Variants in DGKB observed in about 807,000 individuals in gnomAD.
DGKB encodes 90 kDa diacylglycerol kinase.
DGKB carries 67 observed loss-of-function variants against 114.3 expected under a neutral mutation model. That is an observed-to-expected ratio of 0.59 (90% CI 0.48 to 0.72). The LOEUF (loss-of-function observed/expected upper bound fraction) is 0.72, where lower values mean the gene tolerates loss of function less well. Ranked by LOEUF, DGKB falls within the 30% of genes least tolerant of loss-of-function variation. The pLI, the probability that DGKB is intolerant of heterozygous loss-of-function variation, is 0.00. For missense variants in DGKB, 907 were observed against 975.2 expected, an observed-to-expected ratio of 0.93 and a Z score of 0.93; for synonymous variants, 398 against 323.1, an observed-to-expected ratio of 1.23 and a Z score of -2.49.
intron 1 of DGKB, among the ~76,000 whole-genome samples, chr7:14,946,501 A>G (rs371998563): frequency 5.9e-4 from 90 of 151,942 alleles, no homozygotes; most frequent in African/African-American, 2.0e-3. Context: ...AGAATAAAAT[A>G]AAATCTACAA....
chr7:14,698,193 A>C, intron 7 of DGKB, 24 bp from the exon 8 acceptor site: 1 of 1,376,908 alleles, frequency 7.3e-7, no homozygotes, highest in Non-Finnish European at 9.9e-7. Context: ...AGAGATAAAA[A>C]ATATGAATAC....
intron 23 of DGKB, among the ~76,000 whole-genome samples, chr7:14,282,393 C>A: frequency 7.3e-6 from 1 of 136,084 alleles, no homozygotes; most frequent in Admixed American, 7.6e-5. Context: ...CAAAAAGAGT[C>A]CAGGACCAGA....
rs77383428 is a variant in DGKB at position 14,651,345 on chromosome 7, C to T, written c.1135-21077G>A. On this transcript the variant is annotated intron_variant, in intron 13 of 25. Coordinates refer to ENST00000402815, the MANE Select transcript of DGKB (RefSeq NM_001350709.2). Reference sequence around the variant, plus strand: ...CCTGGGATGCAAGGCTGGTTCAATACACGCAAATCAATAAATGTAATCCAG... The same window carrying T: ...CCTGGGATGCAAGGCTGGTTCAATATACGCAAATCAATAAATGTAATCCAG... 2.4e-3 allele frequency among the ~76,000 whole-genome samples: 357 copies of T among 151,410 alleles called. 2 individuals carry two copies. Among genetic ancestry groups the T allele is most frequent in the Middle Eastern group, 6.8e-3 (2 of 294 alleles).
intron 1 of DGKB, among the ~76,000 whole-genome samples, chr7:14,890,425 G>A (rs1257222228): frequency 6.6e-6 from 1 of 151,198 alleles, no homozygotes; most frequent in Non-Finnish European, 1.5e-5. Context: ...CCTCTAACAT[G>A]CCTTCGCTTA....
intron 1 of DGKB, among the ~76,000 whole-genome samples, chr7:14,955,411 C>T (rs930214846): frequency 1.3e-5 from 2 of 151,984 alleles, no homozygotes; most frequent in Non-Finnish European, 2.9e-5. Context: ...TTTTCCTAAG[C>T]TATCTGAACT....
intron 21 of DGKB, among the ~76,000 whole-genome samples, chr7:14,469,085 AG>A (rs1406286804): frequency 1.3e-5 from 2 of 152,232 alleles, no homozygotes; most frequent in Non-Finnish European, 2.9e-5. Flanking sequence ...TGTATCTGTT[AG>A]AGCTCAATGG....
chr7:14,929,839 A>G (rs1271239941), intron 1 of DGKB, among the ~76,000 whole-genome samples: 1 of 152,028 alleles, frequency 6.6e-6, no homozygotes, highest in South Asian at 2.1e-4. Context: ...TTCTTCTAGT[A>G]TTATTGTAGT....
At chr7:14,629,044 T>C (rs1809180332) in intron 14 of DGKB, among the ~76,000 whole-genome samples, 1 of 152,034 alleles carries the variant, frequency 6.6e-6, no homozygotes, top group Non-Finnish European at 1.5e-5. Flanking sequence ...TTAACAGATC[T>C]AAAGAGAAAA....
intron 6 of DGKB, among the ~76,000 whole-genome samples, chr7:14,703,563 C>G (rs558400751): frequency 1.3e-5 from 2 of 152,296 alleles, no homozygotes; most frequent in East Asian, 3.9e-4. Flanking sequence ...CACACAGAAG[C>G]ACAGTCCCAG....
chr7:14,281,100 T>G (rs1426432031), intron 23 of DGKB, among the ~76,000 whole-genome samples: 1 of 147,486 alleles, frequency 6.8e-6, no homozygotes, highest in Non-Finnish European at 1.5e-5. Flanking sequence ...ATCAGTGTGC[T>G]GTATTCAGGA....
intron 21 of DGKB, among the ~76,000 whole-genome samples, chr7:14,427,671 G>A (rs1303573434): frequency 6.6e-6 from 1 of 152,112 alleles, no homozygotes. Flanking sequence ...CATCTCACAT[G>A]GTGGCAGACA....
chr7:14,160,900 G>C (rs1562499311), intron 25 of DGKB, among the ~76,000 whole-genome samples: 2 of 152,170 alleles, frequency 1.3e-5, no homozygotes, highest in Admixed American at 1.3e-4. Context: ...AAAACAAACA[G>C]CATGGTACTG....
intron 2 of DGKB, among the ~76,000 whole-genome samples, chr7:14,802,984 G>A (rs1157298458): frequency 5.9e-5 from 9 of 152,058 alleles, no homozygotes; most frequent in African/African-American, 2.2e-4. Flanking sequence ...CGATAGTGCT[G>A]TAATAAACAA....
chr7:14,473,099 G>C (rs1205620354), intron 21 of DGKB, among the ~76,000 whole-genome samples: 1 of 152,162 alleles, frequency 6.6e-6, no homozygotes, highest in Non-Finnish European at 1.5e-5. Context: ...AGACAATGGG[G>C]GAAAATGTCT....
At chr7:14,729,566 T>C (rs1830616108) in intron 5 of DGKB, among the ~76,000 whole-genome samples, 1 of 152,206 alleles carries the variant, frequency 6.6e-6, no homozygotes, top group Non-Finnish European at 1.5e-5. Context: ...TGTATGTTGA[T>C]TTCTCTCCTT....
At chr7:14,959,381 T>G (rs984444811) in intron 1 of DGKB, among the ~76,000 whole-genome samples, 3 of 151,682 alleles carry the variant, frequency 2.0e-5, no homozygotes, top group African/African-American at 7.3e-5. Flanking sequence ...AAATAGAGTT[T>G]TTTTTTTTTA....
Position 14,730,954 on chromosome 7 carries a change from G to A in DGKB, c.322+5087C>T, listed in dbSNP as rs563177408. On this transcript the variant is annotated intron_variant, in intron 5 of 25. Coordinates refer to ENST00000402815, the MANE Select transcript of DGKB (RefSeq NM_001350709.2). ...TAATCAGGCTTCTGTTTGAAAGAAC[G>A]TTTTGGAGATGGGAAGTCAGGGCCT... Among the ~76,000 whole-genome samples the A allele has an allele frequency of 1.8e-4, 28 of 152,288 alleles. No individual in the cohort carries two copies. The South Asian group carries it at 5.0e-3, about 27-fold the overall frequency.
At chr7:14,304,919 C>G (rs1444505564) in intron 23 of DGKB, among the ~76,000 whole-genome samples, 2 of 152,138 alleles carry the variant, frequency 1.3e-5, no homozygotes, top group African/African-American at 4.8e-5. Flanking sequence ...CAGATTATTA[C>G]TGTATTATCT....
intron 15 of DGKB, among the ~76,000 whole-genome samples, chr7:14,617,260 A>G (rs1206857256): frequency 2.0e-5 from 3 of 151,640 alleles, no homozygotes; most frequent in African/African-American, 7.3e-5. Flanking sequence ...ATTTCCCTCT[A>G]AACATTCATA....
Sources: gnomAD v4.1 joint callset for allele counts (sites outside exome capture counted in the v4.1 genomes callset) on GRCh38, gnomAD v4.1.1 for gene constraint, MANE v1.5 for transcripts, NCBI Gene and HGNC (gene_info 2026-07-23, HGNC 2026-07-21) for gene names.